CADM1: variants seen among roughly 807,000 people sequenced by gnomAD.
CADM1 encodes cell adhesion molecule 1.
A neutral mutation model predicts 53.1 loss-of-function variants in CADM1; 15 were observed. The ratio of observed to expected loss-of-function variants is 0.28; its 90% CI spans 0.19 to 0.44. The LOEUF is 0.44. Among genes scored for constraint, CADM1 ranks in the 20% least tolerant of loss-of-function variants. The pLI is 1.00. For missense variants in CADM1, 434 were observed against 611.3 expected, an observed-to-expected ratio of 0.71 and a Z score of 3.06; for synonymous variants, 281 against 243.0, an observed-to-expected ratio of 1.16 and a Z score of -1.45.
intron 10 of CADM1, among the ~76,000 whole-genome samples, chr11:115,186,581 TCTCA>T (rs1333488230): frequency 2.6e-5 from 4 of 152,206 alleles, no homozygotes; most frequent in African/African-American, 9.7e-5. Context: ...ATGCTTCGCT[TCTCA>T]CTGTCTCCTA....
chr11:115,324,942 C>A (rs1944922153), intron 1 of CADM1, among the ~76,000 whole-genome samples: 1 of 152,162 alleles, frequency 6.6e-6, no homozygotes, highest in African/African-American at 2.4e-5. Context: ...ACCTGCGCCA[C>A]GTTATTTATG....
chr11:115,249,318 A>C (rs971170834), intron 1 of CADM1, among the ~76,000 whole-genome samples: 2 of 152,196 alleles, frequency 1.3e-5, no homozygotes, highest in Non-Finnish European at 2.9e-5. Context: ...GGTTACACAA[A>C]ATTCCACTGT....
chr11:115,234,893 C>CAAAAAA (rs57197514), intron 3 of CADM1, among the ~76,000 whole-genome samples: 5 of 75,384 alleles, frequency 6.6e-5, no homozygotes, highest in African/African-American at 1.6e-4. Flanking sequence ...ACTCCGTCTC[C>CAAAAAA]AAAAAAAAAA....
chr11:115,338,639 T>TCTC (rs1275553871), intron 1 of CADM1, among the ~76,000 whole-genome samples: 1 of 152,116 alleles, frequency 6.6e-6, no homozygotes, highest in Non-Finnish European at 1.5e-5. Flanking sequence ...GCACACTGTG[T>TCTC]CTCCGCCTGC....
chr11:115,204,487 A>T lies in CADM1; in HGVS notation c.1078+5087T>A, dbSNP rs142670256. Among the ~76,000 whole-genome samples the T allele has an allele frequency of 1.2e-3, 178 of 152,334 alleles. 1 individual carries two copies. The highest frequency in any genetic ancestry group is 3.9e-3 in the African/African-American group (162 of 41,566). On this transcript the variant is annotated intron_variant, in intron 8 of 11. Transcript: ENST00000331581. Reference sequence around the variant, plus strand: ...CGTGCTGTACATATTATGGGCACTCAATATTTGTTGAGTGCATAACTAAAA... The same window carrying T: ...CGTGCTGTACATATTATGGGCACTCTATATTTGTTGAGTGCATAACTAAAA...
At chr11:115,232,196 A>C (rs140315056) in intron 3 of CADM1, among the ~76,000 whole-genome samples, 3 of 152,296 alleles carry the variant, frequency 2.0e-5, no homozygotes, top group Non-Finnish European at 4.4e-5. Flanking sequence ...CCTTGAACTC[A>C]ACTCTTGAAT....
At chr11:115,234,887 C>T (rs1164832747) in intron 3 of CADM1, among the ~76,000 whole-genome samples, 18 of 103,466 alleles carry the variant, frequency 1.7e-4, no homozygotes, top group Non-Finnish European at 2.7e-4. Flanking sequence ...AGGGAGACTC[C>T]GTCTCCAAAA....
chr11:115,269,659 A>G (rs746804144), intron 1 of CADM1, among the ~76,000 whole-genome samples: 18 of 152,244 alleles, frequency 1.2e-4, no homozygotes, highest in Non-Finnish European at 1.8e-4. Flanking sequence ...CTCTGACTCC[A>G]AACCACAGAA....
At chr11:115,290,977 C>A (rs976166905) in intron 1 of CADM1, among the ~76,000 whole-genome samples, 2 of 152,200 alleles carry the variant, frequency 1.3e-5, no homozygotes, top group East Asian at 3.9e-4. Context: ...CCTTCAGCTG[C>A]CTGACATTAA....
At chr11:115,282,205 T>C (rs1943605134) in intron 1 of CADM1, among the ~76,000 whole-genome samples, 2 of 152,182 alleles carry the variant, frequency 1.3e-5, no homozygotes, top group Non-Finnish European at 2.9e-5. Flanking sequence ...AGTAATCCTA[T>C]GGGATAGGTT....
chr11:115,429,929 C>T (rs1005059685), intron 1 of CADM1, among the ~76,000 whole-genome samples: 2 of 151,902 alleles, frequency 1.3e-5, no homozygotes, highest in African/African-American at 4.8e-5. Flanking sequence ...ATGAGTGTTA[C>T]AAATAAGATG....
chr11:115,299,147 C>T (rs1280988796), intron 1 of CADM1, among the ~76,000 whole-genome samples: 1 of 152,142 alleles, frequency 6.6e-6, no homozygotes, highest in Non-Finnish European at 1.5e-5. Flanking sequence ...AAGACTGGGC[C>T]TGACTGCCCG....
intron 1 of CADM1, among the ~76,000 whole-genome samples, chr11:115,468,128 A>G (rs1258513302): frequency 6.6e-6 from 1 of 152,266 alleles, no homozygotes; most frequent in Non-Finnish European, 1.5e-5. Flanking sequence ...ATGATAATTT[A>G]CAATTTTGCA....
intron 1 of CADM1, among the ~76,000 whole-genome samples, chr11:115,344,126 T>C (rs1478203288): frequency 6.6e-6 from 1 of 151,976 alleles, no homozygotes; most frequent in Non-Finnish European, 1.5e-5. Flanking sequence ...ACTCAAGATG[T>C]AAAAATGTTC....
chr11:115,390,950 G>A lies in CADM1; in HGVS notation c.124+113321C>T, dbSNP rs779947053. Reference sequence around the variant, plus strand: ...CAAACACTTCATTTAAAACTTATGTGAGGCACATTCATAAGAATACACTAA... The same window carrying A: ...CAAACACTTCATTTAAAACTTATGTAAGGCACATTCATAAGAATACACTAA... On this transcript the variant is annotated intron_variant, in intron 1 of 11. Coordinates refer to ENST00000331581, the MANE Select transcript of CADM1 (RefSeq NM_001301043.2). 4.6e-5 allele frequency among the ~76,000 whole-genome samples: 7 copies of A among 152,246 alleles called. No individual in the cohort carries two copies. In the South Asian group the frequency reaches 8.3e-4, roughly 18 times the overall value.
intron 8 of CADM1, among the ~76,000 whole-genome samples, chr11:115,206,758 CTTTTTTTTTT>C (rs56270694): frequency 1.5e-3 from 56 of 38,236 alleles, no homozygotes; most frequent in South Asian, 3.4e-3. Context: ...CTGTGGACTT[CTTTTTTTTTT>C]TTTTTTTTTT....
At chr11:115,499,095 T>A (rs535715723) in intron 1 of CADM1, among the ~76,000 whole-genome samples, 1 of 152,296 alleles carries the variant, frequency 6.6e-6, no homozygotes, top group Non-Finnish European at 1.5e-5. Flanking sequence ...TAAAACTTTT[T>A]TTTCTTTAAA....
At chr11:115,501,183 C>G (rs1255301318) in intron 1 of CADM1, among the ~76,000 whole-genome samples, 1 of 152,118 alleles carries the variant, frequency 6.6e-6, no homozygotes, top group Non-Finnish European at 1.5e-5. Context: ...AAGCCTTGTG[C>G]GTCTCCAGTG....
At chr11:115,253,823 G>A (rs73574147) in intron 1 of CADM1, among the ~76,000 whole-genome samples, 2,911 of 152,170 alleles carry the variant, frequency 0.019, 84 homozygotes, top group African/African-American at 0.066. Flanking sequence ...CACACAAATC[G>A]TTATGTGTCT....
Sources: gnomAD v4.1 joint callset for allele counts (sites outside exome capture counted in the v4.1 genomes callset) on GRCh38, gnomAD v4.1.1 for gene constraint, MANE v1.5 for transcripts, NCBI Gene and HGNC (gene_info 2026-07-23, HGNC 2026-07-21) for gene names.